The following SPATA1 variants were observed in gnomAD, a reference collection of about 807,000 sequenced individuals.
SPATA1 encodes the protein spermatogenesis-associated protein 1.
SPATA1 carries 57 observed loss-of-function variants against 59.6 expected under a neutral mutation model. That is an observed-to-expected ratio of 0.96 (90% CI 0.77 to 1.19). The LOEUF (loss-of-function observed/expected upper bound fraction) is 1.19. Among genes scored for constraint, SPATA1 ranks in the 50% most tolerant of loss-of-function variants. SPATA1 has a pLI of 0.00. For missense variants in SPATA1, 448 were observed against 480.7 expected (o/e 0.93, Z 0.64); for synonymous variants, 147 against 163.9 (o/e 0.90, Z 0.79).
intron 1 of SPATA1, among the ~76,000 whole-genome samples, chr1:84,509,583 T>C (rs1682446147): frequency 6.6e-6 from 1 of 151,938 alleles, no homozygotes; most frequent in African/African-American, 2.4e-5. Context: ...GGCCAACATA[T>C]AGTGAAATCC....
intron 4 of SPATA1, chr1:84,563,296 T>C (rs1288877467): frequency 1.9e-6 from 3 of 1,585,192 alleles, no homozygotes; most frequent in East Asian, 4.7e-5. Context: ...CTTTATCCCA[T>C]AGGTTTCCAG....
intron 2 of SPATA1, among the ~76,000 whole-genome samples, chr1:84,519,628 G>A (rs12137560): frequency 0.011 from 1,714 of 152,042 alleles, 19 homozygotes; most frequent in Non-Finnish European, 0.019. Flanking sequence ...AAAATGCAAC[G>A]TATAGAAAAC....
intron 3 of SPATA1, 107 bp from the exon 4 acceptor site, chr1:84,522,283 A>T (rs1401206282): frequency 1.8e-6 from 1 of 567,484 alleles, no homozygotes; most frequent in African/African-American, 2.0e-5. Flanking sequence ...TATCTGACAC[A>T]TTAAATCAAC....
At chr1:84,516,898 T>C (rs1458861467) in intron 2 of SPATA1, among the ~76,000 whole-genome samples, 1 of 152,144 alleles carries the variant, frequency 6.6e-6, no homozygotes, top group African/African-American at 2.4e-5. Context: ...TCAAGTGGAA[T>C]CTTTTTCTGG....
chr1:84,525,990 C>T lies in SPATA1; in HGVS notation c.461C>T (p.Thr154Ile), dbSNP rs752468774. The T allele has an allele frequency of 1.9e-6, 3 of 1,613,560 alleles. No homozygotes were observed. The East Asian group carries it at 6.7e-5, about 36-fold the overall frequency. ...ACAATCCACAGACCAATTAGTGTAA[C>T]TTTGTTCAAGGAGGAACTTGGAAGA... Residue 154 changes from threonine to isoleucine, a missense_variant, in exon 6 of 13, where the codon ACT (threonine) becomes ATT (isoleucine). Physicochemically the swap from Thr to Ile is moderately conservative, Grantham distance 89. Transcript: ENST00000490879.
downstream of SPATA1, chr1:84,554,911 AG>A: frequency 9.9e-7 from 1 of 1,013,702 alleles, no homozygotes; most frequent in South Asian, 1.6e-5. Context: ...GGATAACAAA[AG>A]TATATAGCAA....
intron 12 of SPATA1, chr1:84,550,893 T>C: frequency 1.0e-6 from 1 of 981,056 alleles, no homozygotes; most frequent in Non-Finnish European, 1.2e-6. Flanking sequence ...CATTTAATTT[T>C]TTATGGGTAA....
intron 10 of SPATA1, among the ~76,000 whole-genome samples, chr1:84,548,413 A>T (rs1378132789): frequency 7.0e-6 from 1 of 142,112 alleles, no homozygotes; most frequent in Admixed American, 7.0e-5. Context: ...TATATATGTT[A>T]TATGTATATA....
At chr1:84,545,230 T>C (rs974805857) in intron 9 of SPATA1, among the ~76,000 whole-genome samples, 7 of 148,366 alleles carry the variant, frequency 4.7e-5, no homozygotes, top group East Asian at 1.9e-4. Context: ...AAAATATATA[T>C]ATATTTATAT....
intron 11 of SPATA1, 26 bp from the exon 12 acceptor site, chr1:84,550,405 TA>T: frequency 8.1e-7 from 1 of 1,227,384 alleles, no homozygotes; most frequent in Non-Finnish European, 1.1e-6. Context: ...TATGTTATAC[TA>T]AATAAATATC....
intron 10 of SPATA1, 90 bp downstream of exon 10, chr1:84,545,849 TAATA>T: frequency 1.0e-6 from 1 of 961,976 alleles, no homozygotes; most frequent in Non-Finnish European, 1.4e-6. Flanking sequence ...AAGTTATAAT[TAATA>T]TTTACTGTTT....
At chr1:84,525,810 G>T in intron 5 of SPATA1, 35 bp from the exon 6 acceptor site, 2 of 1,605,996 alleles carry the variant, frequency 1.2e-6, no homozygotes, top group East Asian at 4.5e-5. Context: ...GCTTTTAATT[G>T]CAAACTAACT....
At chr1:84,518,469 G>A (rs1682884246) in intron 2 of SPATA1, among the ~76,000 whole-genome samples, 1 of 152,022 alleles carries the variant, frequency 6.6e-6, no homozygotes, top group Non-Finnish European at 1.5e-5. Flanking sequence ...TTCAGAGGGA[G>A]AGAATTACTC....
chr1:84,565,907 C>T (rs1470490095), exon 5 of SPATA1: 1 of 1,596,178 alleles, frequency 6.3e-7, no homozygotes, highest in Non-Finnish European at 8.5e-7. Flanking sequence ...TGACTTTGTT[C>T]ATCATAAGAC....
chr1:84,554,744 CA>C (rs1684378572), downstream of SPATA1: 1 of 309,630 alleles, frequency 3.2e-6, no homozygotes, highest in African/African-American at 2.2e-5. Context: ...CAATTTTTCC[CA>C]ATTAAATTAT....
chr1:84,559,503 C>T (rs976161442), downstream of SPATA1, among the ~76,000 whole-genome samples: 1 of 151,924 alleles, frequency 6.6e-6, no homozygotes, highest in Admixed American at 6.6e-5. Flanking sequence ...ATCCCTATAA[C>T]CCCAGATATT....
intron 1 of SPATA1, among the ~76,000 whole-genome samples, chr1:84,514,196 T>A (rs1195200897): frequency 6.6e-6 from 1 of 152,132 alleles, no homozygotes; most frequent in Non-Finnish European, 1.5e-5. Flanking sequence ...TATCTTGAGC[T>A]CTTTTCCCAG....
chr1:84,532,292 T>TC (rs1455778314), intron 6 of SPATA1, among the ~76,000 whole-genome samples: 1 of 152,158 alleles, frequency 6.6e-6, no homozygotes, highest in African/African-American at 2.4e-5. Context: ...GGTCAGGAGT[T>TC]CAAGACAAGC....
Position 84,523,134 on chromosome 1 carries a change from A to T in SPATA1, c.261+627A>T, listed in dbSNP as rs1683093925. Among the ~76,000 whole-genome samples the T allele has an allele frequency of 3.3e-5, 5 of 152,150 alleles. No individual in the cohort carries two copies. The South Asian group carries it at 1.0e-3, about 32-fold the overall frequency. On this transcript the variant is annotated intron_variant, in intron 4 of 12. Coordinates refer to ENST00000490879, the Ensembl canonical transcript of SPATA1. ...TGGCCAGACTGGTCTCAAATTCCTG[A>T]CTTCAGGTGATCTCCCTGCCTCAGC...
Sources: allele counts gnomAD v4.1 joint callset (sites outside exome capture counted in the v4.1 genomes callset), GRCh38; gene constraint gnomAD v4.1.1; transcripts MANE v1.5; gene names NCBI Gene and HGNC (gene_info 2026-07-23, HGNC 2026-07-21).